AKAP9: variants seen among roughly 807,000 people sequenced by gnomAD.
The protein encoded by AKAP9 is A-kinase anchor protein 9.
In AKAP9, 311 loss-of-function variants were observed where a neutral mutation model predicts 488.5. The observed-to-expected ratio is 0.64, with a 90% confidence interval of 0.58 to 0.70. AKAP9 has a LOEUF of 0.70. Among genes scored for constraint, AKAP9 ranks in the 30% least tolerant of loss-of-function variants. The pLI, the probability that AKAP9 is intolerant of heterozygous loss-of-function variation, is 0.00. For synonymous variants in AKAP9, 1,462 were observed against 1,483.5 expected, an observed-to-expected ratio of 0.99 and a Z score of 0.33; for missense variants, 4,215 against 4,374.5, an observed-to-expected ratio of 0.96 and a Z score of 1.03.
rs754141581 is a variant in AKAP9 at position 91,973,927 on chromosome 7, A to G, written c.265A>G (p.Ser89Gly). The change falls in exon 2 of 50, where the codon AGT becomes GGT. Residue 89 changes from serine to glycine, a missense_variant. Transcript: ENST00000356239. ...PESTIMRTLH[S>G]GEITSHEQGF... is the part of the protein sequence containing the mutation. ...ATCTACAATAATGAGAACTCTACATAGTGGAGAAATAACCAGTCATGAGCA... is the reference window on the plus strand; with the variant it reads ...ATCTACAATAATGAGAACTCTACATGGTGGAGAAATAACCAGTCATGAGCA... 5 of 1,614,084 alleles carry G rather than the reference A, an allele frequency of 3.1e-6. No homozygotes were observed. The highest frequency in any genetic ancestry group is 4.2e-6 in the Non-Finnish European group (5 of 1,179,972).
At chr7:92,071,536 T>TAG (rs1220912669) in intron 28 of AKAP9, among the ~76,000 whole-genome samples, 5 of 152,104 alleles carry the variant, frequency 3.3e-5, no homozygotes, top group Non-Finnish European at 7.4e-5. Context: ...TTTGTTTCTC[T>TAG]GCCCCTTCTT....
intron 37 of AKAP9, among the ~76,000 whole-genome samples, chr7:92,088,562 C>T (rs1271210182): frequency 1.3e-5 from 2 of 152,122 alleles, no homozygotes; most frequent in Non-Finnish European, 2.9e-5. Flanking sequence ...CTATATAATG[C>T]TCTTAAAATG....
Position 92,079,705 on chromosome 7 carries a change from C to T in AKAP9, c.7572C>T (p.Asp2524=), listed in dbSNP as rs1004449825. ...ELTQCYKQIK[D]MQEQGQFETE... ...CCCAGTGTTATAAACAAATAAAAGA[C>T]ATGCAAGAACAAGGCCAGTTTGAAA... The change falls in exon 31 of 50, where the codon GAC becomes GAT. Residue 2524 remains aspartate, a synonymous_variant. Transcript: ENST00000356239. 6.2e-6 allele frequency: 10 copies of T among 1,614,028 alleles called. No homozygotes were observed. The highest frequency in any genetic ancestry group is 8.5e-6 in the Non-Finnish European group (10 of 1,179,970).
chr7:92,078,078 C>A (rs532520367), intron 30 of AKAP9, among the ~76,000 whole-genome samples: 47 of 152,138 alleles, frequency 3.1e-4, no homozygotes, highest in Middle Eastern at 3.4e-3. Flanking sequence ...CTCACTGCAA[C>A]CTCCACCTCC....
At chr7:91,969,237 G>C (rs1265527408) in intron 1 of AKAP9, among the ~76,000 whole-genome samples, 7 of 152,088 alleles carry the variant, frequency 4.6e-5, no homozygotes, top group Non-Finnish European at 1.0e-4. Context: ...GGTACTTCTT[G>C]TGACTGATTT....
intron 46 of AKAP9, among the ~76,000 whole-genome samples, chr7:92,103,116 C>T (rs1475354386): frequency 3.9e-5 from 6 of 152,178 alleles, no homozygotes; most frequent in South Asian, 2.1e-4. Context: ...CTGGGCCAGG[C>T]GTGGTGCCTC....
At chr7:91,947,924 A>G (rs923641110) in intron 1 of AKAP9, among the ~76,000 whole-genome samples, 1 of 152,212 alleles carries the variant, frequency 6.6e-6, no homozygotes, top group African/African-American at 2.4e-5. Context: ...ATCTCAAAAT[A>G]TAACCCTGTG....
intron 27 of AKAP9, 70 bp from the exon 28 acceptor site, chr7:92,070,835 A>G: frequency 1.1e-5 from 13 of 1,205,946 alleles, no homozygotes; most frequent in Non-Finnish European, 1.5e-5. Flanking sequence ...AGCAGACCAA[A>G]AAACAAAAAA....
intron 29 of AKAP9, among the ~76,000 whole-genome samples, chr7:92,077,209 C>T (rs1211840242): frequency 6.6e-6 from 1 of 150,386 alleles, no homozygotes; most frequent in Admixed American, 6.7e-5. Flanking sequence ...AATTCTGCCT[C>T]AGCCTCCCGA....
rs1801331881 is a variant in AKAP9, at chr7:92,015,164, TTGG to T, written c.3612+844_3612+846del. ...ACAATTTGATTTTTAAGTCTAGAAG[TTGG>T]TGGTGGTAATTTTTTAGTTATATGA... On this transcript the variant is annotated intron_variant, in intron 10 of 49. Coordinates refer to ENST00000356239, the MANE Select transcript of AKAP9 (RefSeq NM_005751.5). 2.0e-5 allele frequency among the ~76,000 whole-genome samples: 3 copies of T among 152,244 alleles called. No homozygotes were observed. The East Asian group carries it at 5.8e-4, about 29-fold the overall frequency.
At chr7:92,003,740 GT>G (rs35247929) in intron 8 of AKAP9, among the ~76,000 whole-genome samples, 1 of 151,856 alleles carries the variant, frequency 6.6e-6, no homozygotes, top group Non-Finnish European at 1.5e-5. Flanking sequence ...AAGTCCTAGA[GT>G]TTTTTCAGAG....
Position 92,082,598 on chromosome 7 carries a change from T to C in AKAP9, c.8096T>C (p.Val2699Ala). ...NELEALRAES[V>A]ATKAELASYK... ...CTCGAGGCTCTTAGAGCTGAATCAG[T>C]GGCTACCAAAGCAGAACTTGCCAGT... The change falls in exon 32 of 50, where the codon GTG becomes GCG. Residue 2699 changes from valine to alanine, a missense_variant. By Grantham distance (64) the Val-to-Ala change is moderately conservative. Transcript: ENST00000356239. 2 of 1,614,052 alleles carry C rather than the reference T, an allele frequency of 1.2e-6. No individual in the cohort carries two copies. The highest frequency in any genetic ancestry group is 1.7e-6 in the Non-Finnish European group (2 of 1,179,952).
At chr7:91,952,123 A>G (rs1792331659) in intron 1 of AKAP9, among the ~76,000 whole-genome samples, 1 of 152,188 alleles carries the variant, frequency 6.6e-6, no homozygotes, top group African/African-American at 2.4e-5. Flanking sequence ...TAGATAACTT[A>G]GTATTTACTC....
intron 38 of AKAP9, among the ~76,000 whole-genome samples, chr7:92,090,834 G>A (rs1815416160): frequency 2.6e-5 from 4 of 152,176 alleles, no homozygotes; most frequent in Admixed American, 2.6e-4. Flanking sequence ...GTCATGGAAT[G>A]CCTATCTTAG....
intron 3 of AKAP9, among the ~76,000 whole-genome samples, chr7:91,988,687 T>G (rs1263825932): frequency 6.6e-6 from 1 of 152,158 alleles, no homozygotes; most frequent in African/African-American, 2.4e-5. Context: ...GGCAATAAGA[T>G]GTAAGAAAAG....
At position 92,096,966 on chromosome 7, in the gene AKAP9, G is replaced by A. The variant is rs572101398; in HGVS notation, c.10007G>A (p.Arg3336Gln). The A allele has an allele frequency of 3.4e-5, 55 of 1,614,106 alleles. No individual in the cohort carries two copies. Among genetic ancestry groups the A allele is most frequent in the Middle Eastern group, 1.7e-4 (1 of 6,060 alleles). The change falls in exon 41 of 50, where the codon CGG (arginine) becomes CAG (glutamine). Residue 3336 changes from arginine to glutamine, a missense_variant. Arg to Gln is a conservative substitution (Grantham distance 43, BLOSUM62 1). Transcript: ENST00000356239. ...AGCAGTGATGGTACTGGACAGTCTC[G>A]GCCACCCTTGCCCTCAGAGGACCTA... ...LQSSDGTGQS[R>Q]PPLPSEDLLK...
At chr7:91,991,472 CTT>C (rs766603127) in intron 3 of AKAP9, among the ~76,000 whole-genome samples, 22 of 135,812 alleles carry the variant, frequency 1.6e-4, no homozygotes, top group African/African-American at 1.1e-4. Flanking sequence ...GGGAAGAACT[CTT>C]TTTTTTTTTT....
chr7:92,091,010 T>C (rs1815458218), intron 38 of AKAP9, among the ~76,000 whole-genome samples: 1 of 152,220 alleles, frequency 6.6e-6, no homozygotes, highest in African/African-American at 2.4e-5. Flanking sequence ...TAATTGGCTG[T>C]TCTCTAGTTC....
At chr7:91,975,232 A>G (rs1795508354) in intron 2 of AKAP9, among the ~76,000 whole-genome samples, 1 of 152,114 alleles carries the variant, frequency 6.6e-6, no homozygotes, top group Non-Finnish European at 1.5e-5. Flanking sequence ...TCGAATTCCA[A>G]GACTTAAGTG....
Sources: allele counts gnomAD v4.1 joint callset (sites outside exome capture counted in the v4.1 genomes callset), GRCh38; gene constraint gnomAD v4.1.1; transcripts MANE v1.5; gene names NCBI Gene and HGNC (gene_info 2026-07-23, HGNC 2026-07-21).